Variants in CD101 observed in about 807,000 individuals in gnomAD.
CD101 encodes CD101 molecule.
Under a neutral mutation model 98.2 loss-of-function variants are expected in CD101, and 76 were observed. The ratio of observed to expected loss-of-function variants is 0.77; its 90% CI spans 0.64 to 0.94. The LOEUF (loss-of-function observed/expected upper bound fraction) is 0.94, where lower values mean the gene tolerates loss of function less well. CD101 is among the 40% of genes least tolerant of loss of function. The probability of loss-of-function intolerance (pLI) is 0.00; values close to 1 mark genes in which losing one functional copy is unlikely to be tolerated. For missense variants in CD101, 1,145 were observed against 1,218.8 expected, an observed-to-expected ratio of 0.94 and a Z score of 0.90; for synonymous variants, 471 against 472.7, an observed-to-expected ratio of 1.00 and a Z score of 0.05.
intron 1 of CD101, 61 bp downstream of exon 1, chr1:117,001,921 AGT>A: frequency 6.6e-7 from 1 of 1,510,176 alleles, no homozygotes; most frequent in Non-Finnish European, 9.2e-7. Flanking sequence ...CAGGGTGCTG[AGT>A]GATGGAACAG....
In CD101 at chr1:117,019,380, G is replaced by A. The variant is rs944969499; in HGVS notation, c.2017+820G>A. On this transcript the variant is annotated intron_variant, in intron 6 of 9. Transcript: ENST00000682167. This position sits in a 1 kb window ranked among gnomAD's most constrained non-coding sequence, Gnocchi z 4.3. ...CGTGGTCACTGTCATTATTCTCTCT[G>A]CTGCTGTGCAACATTTTTGGTAATA... Among the ~76,000 whole-genome samples, 1 of 152,038 alleles carries A rather than the reference G, an allele frequency of 6.6e-6. No homozygotes were observed. Among genetic ancestry groups the A allele is most frequent in the African/African-American group, 2.4e-5 (1 of 41,380 alleles).
Position 117,025,720 on chromosome 1 carries a change from G to A in CD101, c.2640G>A (p.Arg880=), listed in dbSNP as rs1369405260. The part of the protein sequence containing the change: ...LLEYGEEGLR[R]HLHCYRSSST... ...AGTATGGGGAAGAGGGGCTCAGGAG[G>A]CACCTGCACTGTTACCGTTCATCCT... The change falls in exon 8 of 10, where the codon AGG becomes AGA. Residue 880 remains arginine, a synonymous_variant. Coordinates refer to ENST00000682167, the MANE Select transcript of CD101 (RefSeq NM_001256106.3). 1 of 1,614,174 alleles carries A rather than the reference G, an allele frequency of 6.2e-7. No homozygotes were observed. The highest frequency in any genetic ancestry group is 8.5e-7 in the Non-Finnish European group (1 of 1,180,036).
Position 117,012,107 on chromosome 1 carries a change from C to T in CD101, c.841+141C>T. The T allele has an allele frequency of 2.5e-6, 2 of 793,716 alleles. No homozygotes were observed. Among genetic ancestry groups the T allele is most frequent in the South Asian group, 3.8e-5 (2 of 52,970 alleles). 49.2% of individuals were successfully genotyped at this position (793,716 alleles called of 1,614,324 possible). ...GTTTGATTTAATTTTGTATTTTTGT[C>T]ATCTGAGAAGCATAACTAAGAGGGA... is the stretch of plus-strand genomic sequence containing the variant. On this transcript the variant is annotated intron_variant, in intron 3 of 9. Coordinates refer to ENST00000682167, the MANE Select transcript of CD101 (RefSeq NM_001256106.3). The surrounding 1 kb of genome is among the most constrained non-coding windows in gnomAD (Gnocchi z 4.0).
At chr1:117,029,265 G>C (rs1654279396) in intron 8 of CD101, among the ~76,000 whole-genome samples, 2 of 127,794 alleles carry the variant, frequency 1.6e-5, no homozygotes, top group Admixed American at 8.5e-5. Context: ...AAGAAAGAAA[G>C]AAAGAAAGAG....
At chr1:117,017,881 C>T (rs115041941) in intron 5 of CD101, among the ~76,000 whole-genome samples, 2 of 152,286 alleles carry the variant, frequency 1.3e-5, no homozygotes, top group African/African-American at 2.4e-5. Flanking sequence ...GTGCTCCACC[C>T]ACTCAGCAGC....
chr1:117,029,204 AAAAGAAAGAAAAGAAAGAAAGAAAGAAAG>A (rs1654210642), intron 8 of CD101, among the ~76,000 whole-genome samples: 19 of 58,872 alleles, frequency 3.2e-4, no homozygotes, highest in Non-Finnish European at 1.6e-4. Context: ...AGAAAGAAAG[AAAAGAAAGAAAAGAAAGAAAGAAAGAAAG>A]AAAGAAAGAA....
In CD101 at chr1:117,011,574, C is replaced by T; in HGVS notation, c.449C>T (p.Thr150Ile). 6.2e-7 allele frequency: 1 copy of T among 1,613,686 alleles called. No homozygotes were observed. Among genetic ancestry groups the T allele is most frequent in the Non-Finnish European group, 8.5e-7 (1 of 1,179,824 alleles). Reference sequence around the variant, plus strand: ...GTTATTCCAGATACCCTCTCTGCCACCATGAGTTCTCAGACTCTCGGTAAG... The same window carrying T: ...GTTATTCCAGATACCCTCTCTGCCATCATGAGTTCTCAGACTCTCGGTAAG... ...LIVIPDTLSA[T>I]MSSQTLGKEE... The change falls in exon 3 of 10, where the codon ACC (threonine) becomes ATC (isoleucine). Residue 150 changes from threonine (T) to isoleucine (I), a missense_variant. By Grantham distance (89) the Thr-to-Ile change is moderately conservative. Coordinates refer to ENST00000682167, the MANE Select transcript of CD101 (RefSeq NM_001256106.3).
chr1:117,034,920 T>C (rs1010564355), intron 9 of CD101, among the ~76,000 whole-genome samples: 3 of 152,148 alleles, frequency 2.0e-5, no homozygotes. Flanking sequence ...AGCCAGTGCC[T>C]TATTTTCTTT....
In CD101 at chr1:117,025,600, C is replaced by T. The variant is rs1269712337; in HGVS notation, c.2520C>T (p.Gly840=). 6.2e-7 allele frequency: 1 copy of T among 1,613,894 alleles called. No individual in the cohort carries two copies. The highest frequency in any genetic ancestry group is 1.1e-5 in the South Asian group (1 of 91,072). Residue 840 remains glycine, a synonymous_variant, in exon 8 of 10, where the codon GGC becomes GGT. Transcript: ENST00000682167. ...TCCGCTGCAGCCTGGAGAGTGTAGG[C>T]AGCTCAGCCACTCTGTACTCTGTGA... ...VAIRCSLESV[G]SSATLYSVMW... is the part of the protein sequence containing the mutation.
At chr1:117,016,031 G>T (rs2101127135) in intron 4 of CD101, among the ~76,000 whole-genome samples, 1 of 152,096 alleles carries the variant, frequency 6.6e-6, no homozygotes, top group Non-Finnish European at 1.5e-5. Flanking sequence ...GTTGAATGAT[G>T]ACTTGAATTT....
chr1:117,019,486 C>T lies in CD101; in HGVS notation c.2017+926C>T, dbSNP rs1049194543. Reference sequence around the variant, plus strand: ...ATTTGCAATTGCTGCCCCAATCTGTCTTCTTGAAACTTCTTTTTTCCTTGG... The same window carrying T: ...ATTTGCAATTGCTGCCCCAATCTGTTTTCTTGAAACTTCTTTTTTCCTTGG... On this transcript the variant is annotated intron_variant, in intron 6 of 9. Transcript: ENST00000682167. This position sits in a 1 kb window ranked among gnomAD's most constrained non-coding sequence, Gnocchi z 4.3. Among the ~76,000 whole-genome samples the T allele has an allele frequency of 6.6e-6, 1 of 152,128 alleles. No individual in the cohort carries two copies. The highest frequency in any genetic ancestry group is 1.5e-5 in the Non-Finnish European group (1 of 68,022).
At chr1:117,030,480 A>G (rs764132660) in intron 8 of CD101, among the ~76,000 whole-genome samples, 2 of 151,956 alleles carry the variant, frequency 1.3e-5, no homozygotes, top group Non-Finnish European at 2.9e-5. Flanking sequence ...GAGAGAGAGA[A>G]AGAGAAAGAG....
At chr1:117,017,590 CAGAGCTAGTCTCT>C in intron 5 of CD101, 117 bp downstream of exon 5, 1 of 981,786 alleles carries the variant, frequency 1.0e-6, no homozygotes, top group Non-Finnish European at 1.5e-6. Context: ...CCCTAGGACA[CAGAGCTAGTCTCT>C]GGCTACCCTC....
intron 8 of CD101, among the ~76,000 whole-genome samples, chr1:117,030,647 T>A (rs1191986465): frequency 6.6e-6 from 1 of 152,220 alleles, no homozygotes; most frequent in Non-Finnish European, 1.5e-5. Flanking sequence ...AAATGCTTAA[T>A]GAAAGAATGA....
rs60429459 is a variant in CD101, at chr1:117,029,203, GA to G, written c.2824+3303del. Among the ~76,000 whole-genome samples the G allele has an allele frequency of 9.5e-3, 658 of 68,920 alleles. 48 individuals are homozygous for G. The highest frequency in any genetic ancestry group is 0.038 in the East Asian group (108 of 2,870). 45.2% of individuals were successfully genotyped at this position (68,920 alleles called of 152,430 possible). On this transcript the variant is annotated intron_variant, in intron 8 of 9. Transcript: ENST00000682167. Reference sequence around the variant, plus strand: ...AGAAAGAAAGAAAGAAAGAAAGAAAGAAAAGAAAGAAAAGAAAGAAAGAAAG... The same window carrying G: ...AGAAAGAAAGAAAGAAAGAAAGAAAGAAAGAAAGAAAAGAAAGAAAGAAAG...
In CD101 at chr1:117,012,043, G is replaced by C; in HGVS notation, c.841+77G>C. The C allele has an allele frequency of 1.5e-6, 2 of 1,337,324 alleles. No individual in the cohort carries two copies. The allele number at this position is 1,337,324 out of a possible 1,614,324, so 82.8% of individuals were successfully genotyped here. A position where few individuals can be genotyped will look rare whatever the true frequency, so the allele number is the denominator to read the frequency against. On this transcript the variant is annotated intron_variant, in intron 3 of 9. Coordinates refer to ENST00000682167, the MANE Select transcript of CD101 (RefSeq NM_001256106.3). This position sits in a 1 kb window ranked among gnomAD's most constrained non-coding sequence, Gnocchi z 4.0. ...ATTTATGAGGTATGTTTTAATTTTT[G>C]TTCTAATCTTTTGTTGGCTCTAAAA...
intron 1 of CD101, among the ~76,000 whole-genome samples, chr1:117,002,473 GA>G (rs1466238685): frequency 1.3e-5 from 2 of 152,328 alleles, no homozygotes; most frequent in African/African-American, 4.8e-5. Flanking sequence ...TAGGATGGAA[GA>G]AGAGAAAATT....
At chr1:117,009,174 A>G (rs995623628) in intron 1 of CD101, among the ~76,000 whole-genome samples, 6 of 152,248 alleles carry the variant, frequency 3.9e-5, no homozygotes, top group African/African-American at 1.4e-4. Context: ...GCTAAAATAA[A>G]TTCTAATCCC....
rs769248018 is a variant in CD101 at position 117,025,747 on chromosome 1, T to C, written c.2667T>C (p.Ser889=). Residue 889 remains serine, a synonymous_variant, in exon 8 of 10, where the codon TCT becomes TCC. Transcript: ENST00000682167. ...ACCTGCACTGTTACCGTTCATCCTC[T>C]ACAGACTTTGTCCTGAAGCTTCATC... The part of the protein sequence containing the change: ...RRHLHCYRSS[S]TDFVLKLHQV... The C allele has an allele frequency of 3.7e-6, 6 of 1,614,220 alleles. No individual in the cohort carries two copies. The Admixed American group carries it at 8.3e-5, about 22-fold the overall frequency.
Sources: gnomAD v4.1 joint callset for allele counts (sites outside exome capture counted in the v4.1 genomes callset) on GRCh38, gnomAD v4.1.1 for gene constraint, Gnocchi (gnomAD v3.1) non-coding constraint, MANE v1.5 for transcripts, NCBI Gene and HGNC (gene_info 2026-07-23, HGNC 2026-07-21) for gene names.